Variants in JMJD1C observed in about 807,000 individuals in gnomAD.
JMJD1C encodes the protein jumonji domain containing 1C, also known as jumonji domain-containing protein 1C.
Under a neutral mutation model 245.3 loss-of-function variants are expected in JMJD1C, and 31 were observed. The ratio of observed to expected loss-of-function variants is 0.13; its 90% CI spans 0.09 to 0.17. The LOEUF is 0.17. JMJD1C is among the 10% of genes least tolerant of loss of function. The pLI, the probability that JMJD1C is intolerant of heterozygous loss-of-function variation, is 1.00. For synonymous variants in JMJD1C, 1,057 were observed against 1,017.4 expected, an observed-to-expected ratio of 1.04 and a Z score of -0.74; for missense variants, 2,691 against 3,000.2, an observed-to-expected ratio of 0.90 and a Z score of 2.41.
chr10:63,233,969 A>G (rs1850339247), intron 3 of JMJD1C, among the ~76,000 whole-genome samples: 1 of 152,158 alleles, frequency 6.6e-6, no homozygotes, highest in Admixed American at 6.5e-5. Flanking sequence ...ATTTATTCAC[A>G]GTAATACTAA....
At chr10:63,348,700 G>A (rs1944065853) in intron 2 of JMJD1C, among the ~76,000 whole-genome samples, 1 of 152,130 alleles carries the variant, frequency 6.6e-6, no homozygotes, top group South Asian at 2.1e-4. Flanking sequence ...GTTAGAGGTG[G>A]GGTCTAATTG....
At position 63,189,271 on chromosome 10, in the gene JMJD1C, T is replaced by C; in HGVS notation, c.6467A>G (p.Asp2156Gly). 1 of 1,613,348 alleles carries C rather than the reference T, an allele frequency of 6.2e-7. No individual in the cohort carries two copies. Among genetic ancestry groups the C allele is most frequent in the Non-Finnish European group, 8.5e-7 (1 of 1,179,410 alleles). The change falls in exon 18 of 26, where the codon GAT (aspartate) becomes GGT (glycine). Residue 2156 changes from aspartate (D) to glycine (G), a missense_variant. By Grantham distance (94) the Asp-to-Gly change is moderately conservative (BLOSUM62 -1). Transcript: ENST00000399262. ...AVDENNKLYS[D>G]IPHSWICEKH... is the part of the protein sequence containing the mutation. Reference sequence around the variant, plus strand: ...CTCACAGATCCAAGAATGTGGTATATCACTGTATAATTTATTATTTTCATC... The same window carrying C: ...CTCACAGATCCAAGAATGTGGTATACCACTGTATAATTTATTATTTTCATC...
Position 63,307,875 on chromosome 10 carries a change from C to T in JMJD1C, c.334-43111G>A, listed in dbSNP as rs150332934. ...ACCAAAACTGGGAAATCAGGCTGGG[C>T]ACGGTGGGTCACACCTGTAATCCCA... On this transcript the variant is annotated intron_variant, in intron 2 of 25. Transcript: ENST00000399262. 5.4e-4 allele frequency among the ~76,000 whole-genome samples: 82 copies of T among 152,190 alleles called. No homozygotes were observed. The East Asian group carries it at 0.015, about 28-fold the overall frequency.
intron 2 of JMJD1C, among the ~76,000 whole-genome samples, chr10:63,331,350 T>C (rs12783001): frequency 0.2 from 30,650 of 152,184 alleles, 4,059 homozygotes; most frequent in Non-Finnish European, 0.29. Flanking sequence ...TCAATTTTAC[T>C]TACTTCAATA....
At chr10:63,216,933 T>A (rs1459091728) in intron 5 of JMJD1C, among the ~76,000 whole-genome samples, 2 of 152,188 alleles carry the variant, frequency 1.3e-5, no homozygotes, top group Non-Finnish European at 2.9e-5. Flanking sequence ...TTAGCTCATC[T>A]AAGGATTTAA....
At chr10:63,230,349 G>A (rs1441694742) in intron 3 of JMJD1C, among the ~76,000 whole-genome samples, 1 of 152,110 alleles carries the variant, frequency 6.6e-6, no homozygotes, top group East Asian at 1.9e-4. Context: ...TCCAGCCTGG[G>A]CAACAGAGCA....
intron 1 of JMJD1C, among the ~76,000 whole-genome samples, chr10:63,440,584 C>G (rs1589753245): frequency 6.6e-6 from 1 of 152,108 alleles, no homozygotes; most frequent in South Asian, 2.1e-4. Flanking sequence ...GAGCATCCAC[C>G]AAATAATGGT....
chr10:63,168,064 T>A lies in JMJD1C; in HGVS notation c.7604A>T (p.Glu2535Val), dbSNP rs1842003991. 6.3e-7 allele frequency: 1 copy of A among 1,594,286 alleles called. No homozygotes were observed. The highest frequency in any genetic ancestry group is 1.7e-5 in the Admixed American group (1 of 59,966). The change falls in exon 26 of 26, where the codon GAG becomes GTG. Residue 2535 changes from glutamate (E) to valine (V), a missense_variant. Transcript: ENST00000399262. ...RALKIHEDEV[E>V]DMEEN ...TCACACTTAATTTTCTTCCATATCC[T>A]CTACTTCATCCTCGTGTATCTTCAA...
intron 1 of JMJD1C, among the ~76,000 whole-genome samples, chr10:63,440,633 C>T (rs1951327961): frequency 6.6e-6 from 1 of 152,034 alleles, no homozygotes; most frequent in African/African-American, 2.4e-5. Context: ...CCTCTTAGAA[C>T]CCCAGGAGAC....
chr10:63,300,077 C>A (rs1036301828), intron 2 of JMJD1C, among the ~76,000 whole-genome samples: 2 of 144,766 alleles, frequency 1.4e-5, no homozygotes, highest in Non-Finnish European at 2.9e-5. Context: ...AAGTATACAG[C>A]ATTAAACAAC....
rs1006160556 is a variant in JMJD1C at position 63,511,710 on chromosome 10, C to T, written n.113+10028G>A. Among the ~76,000 whole-genome samples, 5 of 151,380 alleles carry T rather than the reference C, an allele frequency of 3.3e-5. No homozygotes were observed. In the South Asian group the frequency reaches 6.2e-4, roughly 19 times the overall value. On this transcript the variant is annotated intron_variant and non_coding_transcript_variant, in intron 1 of 3. Transcript: ENST00000633035. ...CCAGCCTGGGTGACAGAGCAAGACT[C>T]CATCTCAAAAAAAAAAAAATATATA... is the stretch of plus-strand genomic sequence containing the variant.
chr10:63,267,115 T>C (rs777678579), intron 2 of JMJD1C, among the ~76,000 whole-genome samples: 1 of 152,316 alleles, frequency 6.6e-6, no homozygotes, highest in South Asian at 2.1e-4. Context: ...GTACTTATAA[T>C]CATTTACAAG....
intron 3 of JMJD1C, 68 bp from the exon 4 acceptor site, chr10:63,220,051 T>C (rs1054321384): frequency 3.4e-5 from 39 of 1,137,522 alleles, no homozygotes; most frequent in Non-Finnish European, 3.9e-6. Context: ...CGACTTTCCC[T>C]CCTATACGTT....
intron 13 of JMJD1C, among the ~76,000 whole-genome samples, chr10:63,195,594 A>G (rs1160816387): frequency 2.6e-5 from 4 of 152,122 alleles, no homozygotes; most frequent in African/African-American, 9.7e-5. Flanking sequence ...TAACAGTAAA[A>G]TAGATATATA....
intron 2 of JMJD1C, among the ~76,000 whole-genome samples, chr10:63,330,622 T>C (rs1431109811): frequency 6.6e-6 from 1 of 152,098 alleles, no homozygotes; most frequent in Non-Finnish European, 1.5e-5. Context: ...ACTCTCCTAT[T>C]ATCATTTTTT....
chr10:63,309,769 T>C (rs1263453290), intron 2 of JMJD1C, among the ~76,000 whole-genome samples: 1 of 151,896 alleles, frequency 6.6e-6, no homozygotes, highest in Non-Finnish European at 1.5e-5. Context: ...ATTCAAAAAT[T>C]AGCTGGGTGT....
intron 22 of JMJD1C, among the ~76,000 whole-genome samples, chr10:63,179,235 C>A (rs1843184614): frequency 6.6e-6 from 1 of 151,866 alleles, no homozygotes; most frequent in Non-Finnish European, 1.5e-5. Flanking sequence ...CATGAAGAAA[C>A]CCCATCTCTA....
At chr10:63,304,137 T>C (rs1937673558) in intron 2 of JMJD1C, among the ~76,000 whole-genome samples, 1 of 152,228 alleles carries the variant, frequency 6.6e-6, no homozygotes, top group Admixed American at 6.5e-5. Context: ...TTCTTATAGT[T>C]AGTACTATAT....
At chr10:63,388,164 A>T (rs892172849) in intron 1 of JMJD1C, among the ~76,000 whole-genome samples, 4 of 152,116 alleles carry the variant, frequency 2.6e-5, no homozygotes, top group African/African-American at 9.7e-5. Context: ...TAACTCAAAA[A>T]TATCTTTTCC....
Sources: gnomAD v4.1 joint callset for allele counts (sites outside exome capture counted in the v4.1 genomes callset) on GRCh38, gnomAD v4.1.1 for gene constraint, MANE v1.5 for transcripts, NCBI Gene and HGNC (gene_info 2026-07-23, HGNC 2026-07-21) for gene names.